The following SHOC2 variants were observed in gnomAD, a reference collection of about 807,000 sequenced individuals.
The protein encoded by SHOC2 is leucine-rich repeat protein SHOC-2.
In SHOC2, 4 loss-of-function variants were observed where a neutral mutation model predicts 50.2. That is an observed-to-expected ratio of 0.08 (90% CI 0.04 to 0.18). The LOEUF (loss-of-function observed/expected upper bound fraction) is 0.18, where lower values mean the gene tolerates loss of function less well. SHOC2 is among the 10% of genes least tolerant of loss of function. The probability of loss-of-function intolerance (pLI) is 1.00; values close to 1 mark genes in which losing one functional copy is unlikely to be tolerated. For missense variants in SHOC2, 388 were observed against 669.6 expected (o/e 0.58, Z 4.64); for synonymous variants, 218 against 244.5 (o/e 0.89, Z 1.01).
chr10:110,928,537 A>G (rs1323954437), intron 1 of SHOC2, among the ~76,000 whole-genome samples: 2 of 152,206 alleles, frequency 1.3e-5, no homozygotes, highest in Non-Finnish European at 2.9e-5. Context: ...AAGATAGATT[A>G]ATATTAAATG....
At chr10:110,975,412 G>C (rs575721511) in intron 2 of SHOC2, among the ~76,000 whole-genome samples, 1 of 152,262 alleles carries the variant, frequency 6.6e-6, no homozygotes, top group African/African-American at 2.4e-5. Flanking sequence ...AAAGTGCTGG[G>C]ATTACAGGCG....
intron 2 of SHOC2, among the ~76,000 whole-genome samples, chr10:110,981,801 G>T (rs962106100): frequency 6.6e-6 from 1 of 150,998 alleles, no homozygotes; most frequent in African/African-American, 2.4e-5. Context: ...ATCATTCTCG[G>T]TCATGATGTA....
At chr10:111,005,515 AT>A (rs1331599491) in intron 5 of SHOC2, among the ~76,000 whole-genome samples, 3 of 152,148 alleles carry the variant, frequency 2.0e-5, no homozygotes, top group Admixed American at 1.3e-4. Flanking sequence ...CATGTAAAAA[AT>A]CTCTTCCCAC....
At chr10:111,009,093 G>A (rs907343933) in intron 6 of SHOC2, among the ~76,000 whole-genome samples, 155 bp from the exon 7 acceptor site, 2 of 151,760 alleles carry the variant, frequency 1.3e-5, no homozygotes, top group African/African-American at 2.4e-5. Context: ...TTTTAGAAAA[G>A]TAAGTTAAAT....
At chr10:110,925,088 AAAAAT>A (rs1439156299) in intron 1 of SHOC2, among the ~76,000 whole-genome samples, 14 of 147,580 alleles carry the variant, frequency 9.5e-5, no homozygotes, top group Non-Finnish European at 1.8e-4. Flanking sequence ...AAAAAAAAAA[AAAAAT>A]TAAAATAAAA....
chr10:110,955,512 G>A (rs1847443140), intron 1 of SHOC2, among the ~76,000 whole-genome samples: 1 of 152,190 alleles, frequency 6.6e-6, no homozygotes, highest in African/African-American at 2.4e-5. Flanking sequence ...GATTATCTCA[G>A]TTCAGTTTAA....
At chr10:110,963,996 T>C (rs1018466945) in intron 1 of SHOC2, 129 bp from the exon 2 acceptor site, 1 of 404,720 alleles carries the variant, frequency 2.5e-6, no homozygotes, top group Non-Finnish European at 4.3e-6. Flanking sequence ...TTTTTACCTA[T>C]AAAGGATGTT....
intron 1 of SHOC2, among the ~76,000 whole-genome samples, chr10:110,951,371 A>G (rs1847348235): frequency 6.6e-6 from 1 of 152,178 alleles, no homozygotes; most frequent in Non-Finnish European, 1.5e-5. Context: ...CTATTATCCA[A>G]AAGACGATAA....
At chr10:111,000,994 C>T (rs144130129) in intron 4 of SHOC2, among the ~76,000 whole-genome samples, 255 of 150,982 alleles carry the variant, frequency 1.7e-3, no homozygotes, top group African/African-American at 6.0e-3. Context: ...TCTCCTGTGA[C>T]TCAAATTATT....
At chr10:110,998,250 C>A (rs1344654526) in intron 3 of SHOC2, among the ~76,000 whole-genome samples, 1 of 152,034 alleles carries the variant, frequency 6.6e-6, no homozygotes, top group Non-Finnish European at 1.5e-5. Context: ...CCGCTTGCCT[C>A]GACCTCCCAA....
intron 1 of SHOC2, among the ~76,000 whole-genome samples, chr10:110,963,002 TAGC>T (rs1315037044): frequency 6.6e-6 from 1 of 152,208 alleles, no homozygotes; most frequent in Non-Finnish European, 1.5e-5. Flanking sequence ...AATAAATTAT[TAGC>T]AGAATCCTTA....
At chr10:110,984,138 C>T (rs1848034950) in intron 2 of SHOC2, among the ~76,000 whole-genome samples, 2 of 152,134 alleles carry the variant, frequency 1.3e-5, no homozygotes, top group South Asian at 2.1e-4. Context: ...ACAAAGGTTC[C>T]GATTTCTCCA....
At position 111,009,391 on chromosome 10, in the gene SHOC2, CATT is replaced by C. The variant is rs750754038; in HGVS notation, c.1422+9_1422+11del. ...CATATCTTAAGGATTTACAGGTAAACATTATGCTGATTTTGTAGTTTTATAAAG... is the reference window on the plus strand; with the variant it reads ...CATATCTTAAGGATTTACAGGTAAACATGCTGATTTTGTAGTTTTATAAAG... On this transcript the variant is annotated splice_region_variant and intron_variant, in intron 7 of 8. Coordinates refer to ENST00000369452, the MANE Select transcript of SHOC2 (RefSeq NM_007373.4). The C allele has an allele frequency of 1.4e-5, 23 of 1,604,426 alleles. No individual in the cohort carries two copies. In the South Asian group the frequency reaches 2.3e-4, roughly 16 times the overall value.
At chr10:110,946,329 G>T (rs1847246219) in intron 1 of SHOC2, among the ~76,000 whole-genome samples, 1 of 149,568 alleles carries the variant, frequency 6.7e-6, no homozygotes, top group Admixed American at 6.7e-5. Context: ...TTAATTTGTT[G>T]TTTTATTCAT....
intron 2 of SHOC2, among the ~76,000 whole-genome samples, chr10:110,968,298 C>G (rs1847716337): frequency 1.3e-5 from 2 of 151,650 alleles, no homozygotes; most frequent in Admixed American, 1.3e-4. Context: ...GTAGATCTTG[C>G]TTTAATGGGT....
chr10:110,982,461 C>T (rs1325073387), intron 2 of SHOC2, among the ~76,000 whole-genome samples: 1 of 152,080 alleles, frequency 6.6e-6, no homozygotes, highest in Non-Finnish European at 1.5e-5. Flanking sequence ...AACTAGTTTA[C>T]AGTCCCACCA....
At chr10:110,941,266 CTTCTT>C (rs1380731241) in intron 1 of SHOC2, among the ~76,000 whole-genome samples, 1 of 151,818 alleles carries the variant, frequency 6.6e-6, no homozygotes, top group African/African-American at 2.4e-5. Flanking sequence ...TTCTGTATCT[CTTCTT>C]CCGTGAAATG....
chr10:110,987,614 AAG>A (rs1848104139), intron 3 of SHOC2, among the ~76,000 whole-genome samples: 1 of 152,208 alleles, frequency 6.6e-6, no homozygotes, highest in African/African-American at 2.4e-5. Flanking sequence ...TGTATAAAAT[AAG>A]AGAATCAGAT....
intron 1 of SHOC2, among the ~76,000 whole-genome samples, chr10:110,956,891 T>G (rs961493842): frequency 1.3e-5 from 2 of 152,156 alleles, no homozygotes; most frequent in South Asian, 2.1e-4. Context: ...GTAAGTAGCT[T>G]CTTCTTGTAA....
Sources: gnomAD v4.1 joint callset for allele counts (sites outside exome capture counted in the v4.1 genomes callset) on GRCh38, gnomAD v4.1.1 for gene constraint, MANE v1.5 for transcripts, NCBI Gene and HGNC (gene_info 2026-07-23, HGNC 2026-07-21) for gene names.